Variants in GPC6 observed in about 807,000 individuals in gnomAD.
The protein encoded by GPC6 is glypican 6.
GPC6 carries 14 observed loss-of-function variants against 55.2 expected under a neutral mutation model. That is an observed-to-expected ratio of 0.25 (90% CI 0.17 to 0.40). The LOEUF (loss-of-function observed/expected upper bound fraction) is 0.40. Among genes scored for constraint, GPC6 ranks in the 10% least tolerant of loss-of-function variants. The pLI is 1.00. For synonymous variants in GPC6, 278 were observed against 259.6 expected, an observed-to-expected ratio of 1.07 and a Z score of -0.68; for missense variants, 641 against 708.5, an observed-to-expected ratio of 0.90 and a Z score of 1.08.
At chr13:94,235,364 C>CA (rs1241805953) in intron 4 of GPC6, among the ~76,000 whole-genome samples, 9 of 151,390 alleles carry the variant, frequency 5.9e-5, no homozygotes, top group Admixed American at 1.3e-4. Context: ...AAGCATTCTC[C>CA]AAAAAAAAGA....
intron 6 of GPC6, among the ~76,000 whole-genome samples, chr13:94,345,245 C>G (rs917255514): frequency 5.9e-5 from 9 of 152,106 alleles, no homozygotes; most frequent in African/African-American, 2.2e-4. Flanking sequence ...ATTTTTCTGT[C>G]TTTCTTAACC....
intron 6 of GPC6, among the ~76,000 whole-genome samples, chr13:94,364,900 G>A (rs1476282854): frequency 6.6e-6 from 1 of 152,084 alleles, no homozygotes; most frequent in African/African-American, 2.4e-5. Context: ...TGCAAATAAG[G>A]GCATGTCGAA....
At chr13:93,683,132 G>C (rs200151875) in intron 2 of GPC6, among the ~76,000 whole-genome samples, 1 of 89,880 alleles carries the variant, frequency 1.1e-5, no homozygotes, top group Admixed American at 1.4e-4. Flanking sequence ...GTTCCTATGA[G>C]TATGTCAGGA....
At chr13:93,912,751 C>A (rs547090705) in intron 3 of GPC6, among the ~76,000 whole-genome samples, 4 of 152,008 alleles carry the variant, frequency 2.6e-5, no homozygotes, top group Non-Finnish European at 4.4e-5. Flanking sequence ...TCAAAAAAAA[C>A]AAAACAAAAC....
At chr13:93,904,344 G>A (rs1158634924) in intron 3 of GPC6, among the ~76,000 whole-genome samples, 1 of 152,100 alleles carries the variant, frequency 6.6e-6, no homozygotes, top group Non-Finnish European at 1.5e-5. Context: ...AGAACCTATT[G>A]TAGGAAGACA....
chr13:93,232,774 A>C (rs1410089069), intron 1 of GPC6, among the ~76,000 whole-genome samples: 1 of 152,174 alleles, frequency 6.6e-6, no homozygotes, highest in Non-Finnish European at 1.5e-5. Context: ...AAAACACAAA[A>C]TTATTGAGTA....
At chr13:93,783,874 A>G (rs1409694678) in intron 2 of GPC6, among the ~76,000 whole-genome samples, 2 of 152,156 alleles carry the variant, frequency 1.3e-5, no homozygotes, top group Admixed American at 1.3e-4. Flanking sequence ...TCATTCTTCA[A>G]AATTTTTTCA....
chr13:93,261,559 T>C (rs1480388942), intron 1 of GPC6, among the ~76,000 whole-genome samples: 2 of 152,152 alleles, frequency 1.3e-5, no homozygotes, highest in Non-Finnish European at 2.9e-5. Context: ...TTTAGATAAA[T>C]ATATTTTGTA....
intron 3 of GPC6, among the ~76,000 whole-genome samples, chr13:93,913,374 C>T (rs1877110438): frequency 6.6e-6 from 1 of 152,102 alleles, no homozygotes; most frequent in South Asian, 2.1e-4. Context: ...ACTAGCTTCA[C>T]CTGAGAAAGG....
At chr13:93,477,733 A>G (rs964463490) in intron 1 of GPC6, among the ~76,000 whole-genome samples, 5 of 152,212 alleles carry the variant, frequency 3.3e-5, no homozygotes, top group African/African-American at 1.2e-4. Flanking sequence ...AGAGTGCACA[A>G]ATCAGTAAAA....
chr13:94,096,253 G>C (rs940758412), intron 4 of GPC6, among the ~76,000 whole-genome samples: 1 of 151,130 alleles, frequency 6.6e-6, no homozygotes, highest in African/African-American at 2.4e-5. Flanking sequence ...AGTATTACAG[G>C]AGCAGAGAAG....
chr13:94,219,537 T>C (rs1218955706), intron 4 of GPC6, among the ~76,000 whole-genome samples: 3 of 152,154 alleles, frequency 2.0e-5, no homozygotes, highest in Admixed American at 1.3e-4. Flanking sequence ...TATTAGAACA[T>C]AATTTCTAAT....
At chr13:93,415,788 G>C (rs1316282157) in intron 1 of GPC6, among the ~76,000 whole-genome samples, 1 of 151,976 alleles carries the variant, frequency 6.6e-6, no homozygotes, top group African/African-American at 2.4e-5. Flanking sequence ...GGATTTTTTT[G>C]TGAACAGCCT....
chr13:94,013,748 C>A (rs1330268523), intron 3 of GPC6, among the ~76,000 whole-genome samples: 1 of 152,174 alleles, frequency 6.6e-6, no homozygotes, highest in Non-Finnish European at 1.5e-5. Flanking sequence ...CTGGCAGGAA[C>A]AGACACAGAC....
chr13:94,290,367 G>C (rs771020197), intron 5 of GPC6, among the ~76,000 whole-genome samples: 2 of 147,464 alleles, frequency 1.4e-5, no homozygotes, highest in African/African-American at 5.0e-5. Context: ...GCTACAGTGA[G>C]CTATGATTAT....
chr13:93,588,359 G>A (rs1054889071), intron 2 of GPC6, among the ~76,000 whole-genome samples: 7 of 150,530 alleles, frequency 4.7e-5, no homozygotes, highest in Admixed American at 4.0e-4. Context: ...AAACAAGAGT[G>A]GCTATTAAGT....
intron 1 of GPC6, among the ~76,000 whole-genome samples, chr13:93,354,451 C>G (rs950252171): frequency 6.7e-6 from 1 of 148,464 alleles, no homozygotes; most frequent in Non-Finnish European, 1.5e-5. Context: ...CCCGGGTTCA[C>G]GCCATTCTCC....
At chr13:93,363,383 T>C (rs1051584230) in intron 1 of GPC6, among the ~76,000 whole-genome samples, 5 of 148,860 alleles carry the variant, frequency 3.4e-5, no homozygotes, top group Non-Finnish European at 7.4e-5. Flanking sequence ...GAATATGCGG[T>C]GTTTGGTTTT....
intron 7 of GPC6, among the ~76,000 whole-genome samples, chr13:94,386,400 G>GGGCAACA (rs1880410878): frequency 6.6e-6 from 1 of 151,344 alleles, no homozygotes; most frequent in African/African-American, 2.4e-5. Context: ...AGACTAGCCT[G>GGGCAACA]GGCAACATAG....
Sources: gnomAD v4.1 joint callset for allele counts (sites outside exome capture counted in the v4.1 genomes callset) on GRCh38, gnomAD v4.1.1 for gene constraint, MANE v1.5 for transcripts, NCBI Gene and HGNC (gene_info 2026-07-23, HGNC 2026-07-21) for gene names.